Variants in SCHIP1 observed in about 807,000 individuals in gnomAD.
SCHIP1 encodes the protein schwannomin interacting protein 1, also known as schwannomin-interacting protein 1.
In SCHIP1, 8 loss-of-function variants were observed where a neutral mutation model predicts 29.7. The ratio of observed to expected loss-of-function variants is 0.27; its 90% CI spans 0.16 to 0.49. SCHIP1 has a LOEUF of 0.49. Ranked by LOEUF, SCHIP1 falls within the 20% of genes least tolerant of loss-of-function variation. The pLI, the probability that SCHIP1 is intolerant of heterozygous loss-of-function variation, is 0.99. For missense variants in SCHIP1, 193 were observed against 294.6 expected, an observed-to-expected ratio of 0.66 and a Z score of 2.52; for synonymous variants, 76 against 94.9, an observed-to-expected ratio of 0.80 and a Z score of 1.16.
the SCHIP1 span, among the ~76,000 whole-genome samples, chr3:159,748,311 G>A: frequency 5.3e-5 from 8 of 152,192 alleles, no homozygotes; most frequent in South Asian, 2.1e-4. Context: ...ACTGTGTAAC[G>A]TAACTCTTCT....
the SCHIP1 span, among the ~76,000 whole-genome samples, chr3:159,777,426 A>G: frequency 6.6e-6 from 1 of 152,162 alleles, no homozygotes; most frequent in African/African-American, 2.4e-5. Context: ...TCAATGCTTA[A>G]AATAATGAGA....
chr3:159,522,560 T>C, the SCHIP1 span, among the ~76,000 whole-genome samples: 1 of 152,220 alleles, frequency 6.6e-6, no homozygotes, highest in Admixed American at 6.5e-5. Flanking sequence ...GAAGCCTGTC[T>C]ACTGTGGTTA....
chr3:159,291,698 C>T, the SCHIP1 span, among the ~76,000 whole-genome samples: 1 of 152,096 alleles, frequency 6.6e-6, no homozygotes, highest in South Asian at 2.1e-4. Flanking sequence ...CACCACAGTA[C>T]ATATCCCTGT....
At chr3:159,390,221 T>C in the SCHIP1 span, among the ~76,000 whole-genome samples, 1 of 152,118 alleles carries the variant, frequency 6.6e-6, no homozygotes. Flanking sequence ...TTGTGAAAGT[T>C]ATAGATCAGT....
the SCHIP1 span, among the ~76,000 whole-genome samples, chr3:159,529,088 A>T: frequency 6.6e-6 from 1 of 152,188 alleles, no homozygotes; most frequent in Non-Finnish European, 1.5e-5. Flanking sequence ...TGTATATAAT[A>T]ACCATATATA....
At chr3:159,523,989 C>T in the SCHIP1 span, among the ~76,000 whole-genome samples, 1 of 152,192 alleles carries the variant, frequency 6.6e-6, no homozygotes, top group African/African-American at 2.4e-5. Flanking sequence ...TATTTCCAGC[C>T]CCCACTCAGC....
chr3:159,867,315 A>G (rs1042996023), intron 2 of SCHIP1, among the ~76,000 whole-genome samples: 1 of 152,214 alleles, frequency 6.6e-6, no homozygotes, highest in South Asian at 2.1e-4. Flanking sequence ...TTATGCATCC[A>G]TTTAACCAAC....
chr3:159,852,913 T>TA (rs1712831251), intron 1 of SCHIP1: 2 of 153,360 alleles, frequency 1.3e-5, no homozygotes, highest in African/African-American at 4.8e-5. Context: ...CATCTATTTT[T>TA]ATCCCACACA....
the SCHIP1 span, among the ~76,000 whole-genome samples, chr3:159,828,365 A>ATATATATATATACG: frequency 1.0e-3 from 122 of 121,496 alleles, 15 homozygotes; most frequent in African/African-American, 4.1e-3. Context: ...TAACCTTTAT[A>ATATATATATATACG]TATATATATA....
chr3:159,860,405 C>G (rs1197079550), intron 1 of SCHIP1, among the ~76,000 whole-genome samples: 4 of 152,132 alleles, frequency 2.6e-5, no homozygotes, highest in Non-Finnish European at 5.9e-5. Flanking sequence ...CCGGCCCTGT[C>G]TTTGATTTAG....
chr3:159,459,875 A>G, the SCHIP1 span, among the ~76,000 whole-genome samples: 1 of 152,278 alleles, frequency 6.6e-6, no homozygotes, highest in East Asian at 1.9e-4. Context: ...AGACACAGGG[A>G]GAAAAGGAAC....
chr3:159,461,293 A>C, the SCHIP1 span, among the ~76,000 whole-genome samples: 33 of 151,908 alleles, frequency 2.2e-4, no homozygotes, highest in Non-Finnish European at 4.0e-4. Flanking sequence ...CAGGGGCTTC[A>C]AACCCACCAT....
chr3:159,508,111 C>T, the SCHIP1 span, among the ~76,000 whole-genome samples: 249 of 152,056 alleles, frequency 1.6e-3, no homozygotes, highest in African/African-American at 5.4e-3. Context: ...CTTTTTTGGT[C>T]GGTAAGCTAT....
the SCHIP1 span, among the ~76,000 whole-genome samples, chr3:159,678,017 A>G: frequency 6.6e-6 from 1 of 152,206 alleles, no homozygotes; most frequent in African/African-American, 2.4e-5. Context: ...CCCATCTTCA[A>G]AAGAACCTTT....
At chr3:159,291,088 C>T in the SCHIP1 span, among the ~76,000 whole-genome samples, 1 of 152,052 alleles carries the variant, frequency 6.6e-6, no homozygotes, top group African/African-American at 2.4e-5. Flanking sequence ...AGAGGAGCGG[C>T]TGATTCCAGC....
chr3:159,376,087 T>C, the SCHIP1 span, among the ~76,000 whole-genome samples: 1 of 152,078 alleles, frequency 6.6e-6, no homozygotes, highest in African/African-American at 2.4e-5. Context: ...GTATATGAAA[T>C]ATAAATAATG....
chr3:159,382,698 G>T, the SCHIP1 span, among the ~76,000 whole-genome samples: 1,778 of 151,478 alleles, frequency 0.012, 34 homozygotes, highest in African/African-American at 0.041. Context: ...TTCCACAATG[G>T]TTGAACTAGT....
chr3:159,851,210 G>T (rs1260030594), intron 1 of SCHIP1, among the ~76,000 whole-genome samples: 6 of 152,124 alleles, frequency 3.9e-5, no homozygotes, highest in Non-Finnish European at 7.4e-5. Context: ...AGGATCACTT[G>T]AGCCTGGAGG....
At chr3:159,483,895 A>T in the SCHIP1 span, among the ~76,000 whole-genome samples, 1 of 152,194 alleles carries the variant, frequency 6.6e-6, no homozygotes, top group Non-Finnish European at 1.5e-5. Context: ...TGATGATGTG[A>T]TAAGTGGAAG....
Sources: allele counts gnomAD v4.1 joint callset (sites outside exome capture counted in the v4.1 genomes callset), GRCh38; gene constraint gnomAD v4.1.1; transcripts MANE v1.5; gene names NCBI Gene and HGNC (gene_info 2026-07-23, HGNC 2026-07-21).